GOLGA1: variants seen among roughly 807,000 people sequenced by gnomAD.
GOLGA1 encodes the protein golgin A1.
Under a neutral mutation model 119.7 loss-of-function variants are expected in GOLGA1, and 63 were observed. The observed-to-expected ratio is 0.53, with a 90% confidence interval of 0.43 to 0.65. GOLGA1 has a LOEUF of 0.65. Among genes scored for constraint, GOLGA1 ranks in the 30% least tolerant of loss-of-function variants. GOLGA1 has a pLI of 0.00. For synonymous variants in GOLGA1, 318 were observed against 333.4 expected, an observed-to-expected ratio of 0.95 and a Z score of 0.50; for missense variants, 798 against 912.8, an observed-to-expected ratio of 0.87 and a Z score of 1.62.
At chr9:124,944,113 A>C (rs1831102212), upstream of GOLGA1, 1 of 152,196 alleles carries the variant, frequency 6.6e-6, no homozygotes, top group African/African-American at 2.4e-5. Context: ...AAGGTTTATT[A>C]AAAATAAGCA....
chr9:124,894,669 C>T (rs971371756), intron 15 of GOLGA1, among the ~76,000 whole-genome samples: 1 of 152,134 alleles, frequency 6.6e-6, no homozygotes, highest in African/African-American at 2.4e-5. Flanking sequence ...TCCCAGGACC[C>T]CCATCTCAGT....
At chr9:124,885,741 G>C (rs1055755904) in intron 19 of GOLGA1, among the ~76,000 whole-genome samples, 3 of 152,134 alleles carry the variant, frequency 2.0e-5, no homozygotes, top group African/African-American at 7.2e-5. Context: ...ACGAGGACAG[G>C]AGGGGCTCAG....
At chr9:124,912,597 C>G (rs1377025886) in intron 10 of GOLGA1, among the ~76,000 whole-genome samples, 1 of 152,172 alleles carries the variant, frequency 6.6e-6, no homozygotes, top group Non-Finnish European at 1.5e-5. Context: ...GGCTGGAGTA[C>G]AGTGGCGCGA....
chr9:124,900,367 G>A, intron 13 of GOLGA1, 85 bp downstream of exon 13: 2 of 753,450 alleles, frequency 2.7e-6, no homozygotes, highest in Admixed American at 2.0e-5. Flanking sequence ...CGTTGCCGAA[G>A]TTCGGAATGA....
chr9:124,903,612 A>AG lies in GOLGA1; in HGVS notation c.1066-3066dup, dbSNP rs1830154386. ...AATTGGAGACCTGCCTGGGCAACAT[A>AG]GGGAGACCCTGTTCTCCACAAAAAG... On this transcript the variant is annotated intron_variant, in intron 12 of 22. Coordinates refer to ENST00000373555, the MANE Select transcript of GOLGA1 (RefSeq NM_002077.4). 3.5e-5 allele frequency among the ~76,000 whole-genome samples: 5 copies of AG among 144,250 alleles called. 1 individual carries two copies. The South Asian group carries it at 1.1e-3, about 33-fold the overall frequency. 94.6% of individuals were successfully genotyped at this position (144,250 alleles called of 152,430 possible). A position where few individuals can be genotyped will look rare whatever the true frequency, so the allele number is the denominator to read the frequency against.
chr9:124,947,425 A>T (rs1831162903), intron 1 of GOLGA1: 1 of 152,186 alleles, frequency 6.6e-6, no homozygotes, highest in African/African-American at 2.4e-5. Flanking sequence ...AGATCTTCAT[A>T]TCCTAATTTC....
At chr9:124,926,603 T>C in intron 7 of GOLGA1, 106 bp downstream of exon 7, 1 of 795,688 alleles carries the variant, frequency 1.3e-6, no homozygotes, top group South Asian at 1.4e-5. Flanking sequence ...CTGTCCTGCT[T>C]CCAAGAGGTG....
At chr9:124,911,766 G>A (rs1830345375) in intron 11 of GOLGA1, 135 bp downstream of exon 11, 3 of 743,916 alleles carry the variant, frequency 4.0e-6, no homozygotes, top group Non-Finnish European at 4.5e-6. Context: ...AGCAGGACAA[G>A]CCAAAGTTGG....
intron 11 of GOLGA1, among the ~76,000 whole-genome samples, chr9:124,909,259 CAG>C (rs1339637247): frequency 6.6e-6 from 1 of 150,790 alleles, no homozygotes; most frequent in Admixed American, 6.6e-5. Flanking sequence ...TTGCAGTGAG[CAG>C]AGATTGTACC....
chr9:124,923,258 G>A (rs778182269), intron 7 of GOLGA1, 35 bp from the exon 8 acceptor site: 7 of 1,507,356 alleles, frequency 4.6e-6, no homozygotes, highest in Admixed American at 4.1e-5. Context: ...CTCAGGCAAC[G>A]AAAGCATTAG....
In GOLGA1 at chr9:124,926,766, T is replaced by G. The variant is rs745990462; in HGVS notation, c.400-25A>C. The stretch of plus-strand genomic sequence containing the variant: ...CCTAAAACAAAACAATAAAAAAGTA[T>G]GGTTTCCAGTGAAGAGTATCTGTAA... On this transcript the variant is annotated intron_variant, in intron 6 of 22. Coordinates refer to ENST00000373555, the MANE Select transcript of GOLGA1 (RefSeq NM_002077.4). 4.8e-6 allele frequency: 7 copies of G among 1,444,894 alleles called. 1 individual carries two copies. The South Asian group carries it at 8.4e-5, about 17-fold the overall frequency. 89.5% of individuals were successfully genotyped at this position (1,444,894 alleles called of 1,614,324 possible).
chr9:124,913,465 G>A (rs923449082), intron 10 of GOLGA1, among the ~76,000 whole-genome samples: 1 of 152,044 alleles, frequency 6.6e-6, no homozygotes, highest in African/African-American at 2.4e-5. Flanking sequence ...TTACACTTCC[G>A]TTGCTCCATT....
At position 124,881,927 on chromosome 9, in the gene GOLGA1, C is replaced by T. The variant is rs761134317; in HGVS notation, c.1993G>A (p.Glu665Lys). 1.3e-5 allele frequency: 21 copies of T among 1,610,752 alleles called. No homozygotes were observed. Among genetic ancestry groups the T allele is most frequent in the African/African-American group, 4.0e-5 (3 of 74,654 alleles). ...LKIRPDNELF[E>K]VREKPGPEMA... ...TCAGGTCCAGGTTTCTCCCGGACTT[C>T]GAAGAGCTCATTATCGGGTCTGATT... is the stretch of plus-strand genomic sequence containing the variant. Residue 665 changes from glutamate to lysine, a missense_variant, in exon 21 of 23, where the codon GAA becomes AAA. Coordinates refer to ENST00000373555, the MANE Select transcript of GOLGA1 (RefSeq NM_002077.4). This position sits in a 1 kb window ranked among gnomAD's most constrained non-coding sequence, Gnocchi z 4.9.
In GOLGA1 at chr9:124,888,112, AG is replaced by A; in HGVS notation, c.1905+140del. On this transcript the variant is annotated intron_variant, in intron 19 of 22. Coordinates refer to ENST00000373555, the MANE Select transcript of GOLGA1 (RefSeq NM_002077.4). The surrounding 1 kb of genome is among the most constrained non-coding windows in gnomAD (Gnocchi z 4.4). ...CAGGAGGAACGGAAGATCAGGAGGA[AG>A]GCCTTTGGGTGAGAGGGGTCATGGT... The A allele has an allele frequency of 1.4e-6, 1 of 735,016 alleles. No individual in the cohort carries two copies. Among genetic ancestry groups the A allele is most frequent in the Non-Finnish European group, 2.4e-6 (1 of 417,548 alleles). The allele number at this position is 735,016 out of a possible 1,614,324, so 45.5% of individuals were successfully genotyped here. A position where few individuals can be genotyped will look rare whatever the true frequency, so the allele number is the denominator to read the frequency against.
Position 124,878,658 on chromosome 9 carries a change from T to A in GOLGA1, c.*1872A>T, listed in dbSNP as rs1305925145. On this transcript the variant is annotated 3_prime_UTR_variant, in exon 23 of 23. Coordinates refer to ENST00000373555, the MANE Select transcript of GOLGA1 (RefSeq NM_002077.4). The stretch of plus-strand genomic sequence containing the variant: ...AGCCTCCCTAAAGTGAGTACAGACC[T>A]AGGAACGGGCCCCACAGCTACACCT... 1.3e-5 allele frequency: 2 copies of A among 152,204 alleles called. No homozygotes were observed. Among genetic ancestry groups the A allele is most frequent in the African/African-American group, 2.4e-5 (1 of 41,408 alleles). 9.4% of individuals were successfully genotyped at this position (152,204 alleles called of 1,614,324 possible). A position where few individuals can be genotyped will look rare whatever the true frequency, so the allele number is the denominator to read the frequency against.
At chr9:124,935,001 C>T (rs1194543172) in intron 3 of GOLGA1, among the ~76,000 whole-genome samples, 4 of 151,952 alleles carry the variant, frequency 2.6e-5, no homozygotes, top group African/African-American at 7.3e-5. Flanking sequence ...GGGCTGTGAT[C>T]GGGCCACTGC....
chr9:124,921,965 C>A, intron 8 of GOLGA1, 73 bp from the exon 9 acceptor site: 2 of 1,270,826 alleles, frequency 1.6e-6, no homozygotes, highest in Non-Finnish European at 1.1e-6. Flanking sequence ...TGCTGGCTCA[C>A]GCCTGTAATC....
intron 12 of GOLGA1, among the ~76,000 whole-genome samples, chr9:124,907,628 G>A (rs934125819): frequency 2.6e-5 from 4 of 152,096 alleles, no homozygotes; most frequent in African/African-American, 9.7e-5. Context: ...AACCCCCAAA[G>A]AAAATAAGGA....
chr9:124,898,661 A>G lies in GOLGA1; in HGVS notation c.1312-17T>C. On this transcript the variant is annotated splice_polypyrimidine_tract_variant and intron_variant, in intron 14 of 22. Transcript: ENST00000373555. ...CAGTTGTCTCTGCCAATTCAGAAGA[A>G]CACATATAAAAGAAGTCTTCACTAC... 1.3e-6 allele frequency: 2 copies of G among 1,487,790 alleles called. No individual in the cohort carries two copies. Among genetic ancestry groups the G allele is most frequent in the Admixed American group, 3.4e-5 (2 of 59,384 alleles). 92.2% of individuals were successfully genotyped at this position (1,487,790 alleles called of 1,614,324 possible).
Sources: gnomAD v4.1 joint callset for allele counts (sites outside exome capture counted in the v4.1 genomes callset) on GRCh38, gnomAD v4.1.1 for gene constraint, Gnocchi (gnomAD v3.1) non-coding constraint, MANE v1.5 for transcripts, NCBI Gene and HGNC (gene_info 2026-07-23, HGNC 2026-07-21) for gene names.